The following AGK variants were observed in gnomAD, a reference collection of about 807,000 sequenced individuals.
The protein encoded by AGK is acylglycerol kinase, also known as acylglycerol kinase, mitochondrial.
Under a neutral mutation model 66.4 loss-of-function variants are expected in AGK, and 52 were observed. That is an observed-to-expected ratio of 0.78 (90% CI 0.63 to 0.99). The LOEUF (loss-of-function observed/expected upper bound fraction) is 0.99, where lower values mean the gene tolerates loss of function less well. AGK is among the 50% of genes least tolerant of loss of function. The pLI is 0.00. For missense variants in AGK, 451 were observed against 506.6 expected (o/e 0.89, Z 1.05); for synonymous variants, 182 against 181.1 (o/e 1.00, Z -0.04).
At chr7:141,620,388 A>G (rs1023578442) in intron 8 of AGK, among the ~76,000 whole-genome samples, 3 of 152,208 alleles carry the variant, frequency 2.0e-5, no homozygotes, top group Admixed American at 6.5e-5. Context: ...CCAGTTCCAC[A>G]TGTAAGGAGC....
intron 9 of AGK, among the ~76,000 whole-genome samples, chr7:141,624,145 A>C (rs781486129): frequency 1.1e-4 from 17 of 152,176 alleles, no homozygotes; most frequent in Non-Finnish European, 2.4e-4. Context: ...GGACATGTAC[A>C]AAGAGATTAA....
intron 2 of AGK, among the ~76,000 whole-genome samples, chr7:141,588,537 A>C (rs545833707): frequency 5.3e-5 from 8 of 151,580 alleles, no homozygotes; most frequent in Non-Finnish European, 1.0e-4. Context: ...AATCACTTGA[A>C]CCCGGGAGAT....
At chr7:141,616,248 G>A (rs1796699112) in intron 8 of AGK, 1 of 152,186 alleles carries the variant, frequency 6.6e-6, no homozygotes, top group South Asian at 2.1e-4. Context: ...ATCATTTTGA[G>A]CAAATAGTTG....
intron 2 of AGK, 101 bp from the exon 3 acceptor site, chr7:141,593,045 G>C: frequency 1.0e-6 from 1 of 967,702 alleles, no homozygotes; most frequent in South Asian, 1.4e-5. Context: ...GGTGTTTTTA[G>C]AGAAGAGGTG....
At chr7:141,605,766 C>T (rs996053522) in intron 5 of AGK, among the ~76,000 whole-genome samples, 1 of 152,134 alleles carries the variant, frequency 6.6e-6, no homozygotes, top group Non-Finnish European at 1.5e-5. Flanking sequence ...CTCAGTTATA[C>T]AATTAGTAGT....
chr7:141,593,717 T>G, intron 3 of AGK: 1 of 217,016 alleles, frequency 4.6e-6, no homozygotes, highest in Middle Eastern at 1.6e-3. Flanking sequence ...ATATTTGTCC[T>G]TTCAAATATA....
chr7:141,588,787 G>C (rs1044678434), intron 2 of AGK, among the ~76,000 whole-genome samples: 1 of 152,096 alleles, frequency 6.6e-6, no homozygotes, highest in African/African-American at 2.4e-5. Flanking sequence ...CAGAACTGAG[G>C]ATTCCTCCCC....
At chr7:141,641,977 C>T in intron 13 of AGK, 69 bp downstream of exon 13, 1 of 1,269,814 alleles carries the variant, frequency 7.9e-7, no homozygotes, top group Non-Finnish European at 1.1e-6. Context: ...TAGTCCTCTC[C>T]CACTAATTCA....
chr7:141,609,214 T>C (rs1218740103), intron 5 of AGK, among the ~76,000 whole-genome samples: 2 of 152,128 alleles, frequency 1.3e-5, no homozygotes, highest in Non-Finnish European at 2.9e-5. Flanking sequence ...ACAATTCAAT[T>C]CAATTTGATG....
intron 2 of AGK, among the ~76,000 whole-genome samples, chr7:141,583,144 T>C (rs990323690): frequency 6.6e-6 from 1 of 151,904 alleles, no homozygotes; most frequent in African/African-American, 2.4e-5. Flanking sequence ...GTTTTCTGGC[T>C]TTTTGGAACC....
intron 2 of AGK, among the ~76,000 whole-genome samples, chr7:141,561,596 C>G (rs1451986566): frequency 4.0e-5 from 6 of 151,636 alleles, no homozygotes; most frequent in Admixed American, 6.6e-5. Context: ...TGTCCTTAGG[C>G]CACTTTTTGA....
At chr7:141,619,149 T>A (rs115667112) in intron 8 of AGK, among the ~76,000 whole-genome samples, 205 of 152,182 alleles carry the variant, frequency 1.3e-3, no homozygotes, top group African/African-American at 4.7e-3. Flanking sequence ...TTCAATACAA[T>A]CCCAATCAAT....
At chr7:141,635,784 C>T (rs1797156679) in intron 10 of AGK, among the ~76,000 whole-genome samples, 1 of 152,138 alleles carries the variant, frequency 6.6e-6, no homozygotes, top group South Asian at 2.1e-4. Context: ...GACTTTGTCT[C>T]TTTTTGATTC....
intron 8 of AGK, among the ~76,000 whole-genome samples, chr7:141,619,289 A>G (rs190217789): frequency 1.7e-4 from 26 of 152,318 alleles, no homozygotes; most frequent in African/African-American, 6.3e-4. Context: ...TCTAATTCCA[A>G]TACTTACTCT....
chr7:141,604,579 A>G (rs1175992132), intron 5 of AGK, among the ~76,000 whole-genome samples: 1 of 149,680 alleles, frequency 6.7e-6, no homozygotes. Flanking sequence ...ATTATCTTGT[A>G]GAATTTTTTT....
At position 141,641,878 on chromosome 7, in the gene AGK, C is replaced by CA. The variant is rs1204402307; in HGVS notation, c.946dup (p.Thr316AsnfsTer5). 1 of 1,583,894 alleles carries CA rather than the reference C, an allele frequency of 6.3e-7. No individual in the cohort carries two copies. The highest frequency in any genetic ancestry group is 1.3e-5 in the African/African-American group (1 of 74,764). On this transcript the variant is annotated frameshift_variant, in exon 13 of 16. Transcript: ENST00000649286. LOFTEE classifies it high-confidence loss of function. ...AGCTGTCCACCATTGAACTGTCCAT[C>CA]ACAACACGGAATAATCAGCTTGACC...
chr7:141,568,265 C>T (rs1795510469), intron 2 of AGK, among the ~76,000 whole-genome samples: 1 of 152,186 alleles, frequency 6.6e-6, no homozygotes, highest in East Asian at 1.9e-4. Context: ...AAGAGGCCTG[C>T]CATACATGGT....
At chr7:141,594,683 C>T (rs1186579151) in intron 3 of AGK, among the ~76,000 whole-genome samples, 1 of 151,944 alleles carries the variant, frequency 6.6e-6, no homozygotes, top group African/African-American at 2.4e-5. Context: ...AGACGAGTCT[C>T]GCCCTGTTGC....
At chr7:141,650,777 G>T (rs1163374027) in intron 14 of AGK, 1 of 724,520 alleles carries the variant, frequency 1.4e-6, no homozygotes, top group African/African-American at 1.9e-5. Context: ...TGGGGTATTG[G>T]TTCCAGGACC....
Sources: gnomAD v4.1 joint callset for allele counts (sites outside exome capture counted in the v4.1 genomes callset) on GRCh38, gnomAD v4.1.1 for gene constraint, MANE v1.5 for transcripts, NCBI Gene and HGNC (gene_info 2026-07-23, HGNC 2026-07-21) for gene names.